CLVS1: variants seen among roughly 807,000 people sequenced by gnomAD.
CLVS1 encodes the protein clavesin 1, also known as clavesin-1.
In CLVS1, 10 loss-of-function variants were observed where a neutral mutation model predicts 33.1. The observed-to-expected ratio is 0.30, with a 90% CI of 0.19 to 0.51. CLVS1 has a LOEUF of 0.51. CLVS1 is among the 20% of genes least tolerant of loss of function. CLVS1 has a pLI of 0.97. For synonymous variants in CLVS1, 163 were observed against 166.1 expected (o/e 0.98, Z 0.14); for missense variants, 343 against 433.4 (o/e 0.79, Z 1.85).
At chr8:61,222,874 T>G (rs1272124835) in intron 2 of CLVS1, among the ~76,000 whole-genome samples, 1 of 152,082 alleles carries the variant, frequency 6.6e-6, no homozygotes, top group African/African-American at 2.4e-5. Context: ...ATATTTAGGA[T>G]AGTTAGCTCT....
At chr8:61,027,451 G>A in the CLVS1 span, among the ~76,000 whole-genome samples, 1 of 152,070 alleles carries the variant, frequency 6.6e-6, no homozygotes, top group Non-Finnish European at 1.5e-5. Flanking sequence ...GTGGAATTAA[G>A]GAAATTAATA....
intron 2 of CLVS1, among the ~76,000 whole-genome samples, chr8:61,192,358 C>G (rs1265270823): frequency 6.6e-6 from 1 of 152,106 alleles, no homozygotes; most frequent in East Asian, 1.9e-4. Context: ...TTCCTTACAC[C>G]TTATACAAAA....
At chr8:61,035,540 C>A in the CLVS1 span, among the ~76,000 whole-genome samples, 2 of 152,114 alleles carry the variant, frequency 1.3e-5, no homozygotes, top group Non-Finnish European at 2.9e-5. Context: ...CTCACCGTTA[C>A]AGAGAGCTGG....
intron 5 of CLVS1, among the ~76,000 whole-genome samples, chr8:61,458,884 G>C (rs983054790): frequency 5.9e-5 from 9 of 152,168 alleles, no homozygotes; most frequent in African/African-American, 1.9e-4. Context: ...GCTAAAAAAT[G>C]TTCCTATCAT....
intron 1 of CLVS1, among the ~76,000 whole-genome samples, chr8:61,063,119 T>A (rs907154478): frequency 3.3e-5 from 5 of 152,168 alleles, no homozygotes; most frequent in African/African-American, 1.2e-4. Context: ...CCAGAGATCT[T>A]AAAACCATGC....
At chr8:60,967,614 G>A in the CLVS1 span, 1 of 455,842 alleles carries the variant, frequency 2.2e-6, no homozygotes, top group Admixed American at 2.4e-5. Flanking sequence ...AACCATGTGT[G>A]GCTGCCTCTG....
intron 3 of CLVS1, among the ~76,000 whole-genome samples, chr8:61,397,409 T>C (rs954075839): frequency 2.0e-5 from 3 of 152,184 alleles, no homozygotes; most frequent in African/African-American, 7.2e-5. Context: ...TTTGGAGTTA[T>C]AAGAGAAACA....
chr8:61,252,401 G>T (rs1808969046), intron 2 of CLVS1, among the ~76,000 whole-genome samples: 1 of 152,142 alleles, frequency 6.6e-6, no homozygotes, highest in Non-Finnish European at 1.5e-5. Flanking sequence ...CTGTTGATTT[G>T]GGGTGGAGAG....
At chr8:61,430,910 A>G (rs1816087476) in intron 3 of CLVS1, among the ~76,000 whole-genome samples, 2 of 152,218 alleles carry the variant, frequency 1.3e-5, no homozygotes, top group Non-Finnish European at 2.9e-5. Context: ...CTTTCAGGAC[A>G]TGAAGATGAC....
At chr8:61,250,511 A>G (rs1029813452) in intron 2 of CLVS1, among the ~76,000 whole-genome samples, 2 of 152,164 alleles carry the variant, frequency 1.3e-5, no homozygotes, top group African/African-American at 4.8e-5. Context: ...TCTGGGCAGT[A>G]TGGCCATTTT....
At chr8:61,142,715 C>G (rs552817635) in intron 2 of CLVS1, among the ~76,000 whole-genome samples, 1 of 152,148 alleles carries the variant, frequency 6.6e-6, no homozygotes, top group Non-Finnish European at 1.5e-5. Flanking sequence ...GTCTTGTCAA[C>G]TTTAATTTAT....
intron 2 of CLVS1, among the ~76,000 whole-genome samples, chr8:61,353,403 A>G (rs955151713): frequency 6.6e-5 from 10 of 152,062 alleles, no homozygotes; most frequent in Non-Finnish European, 2.9e-5. Flanking sequence ...AAACACAAAA[A>G]TCTCAGAAGA....
At chr8:61,162,185 T>C (rs1806766448) in intron 2 of CLVS1, among the ~76,000 whole-genome samples, 1 of 152,220 alleles carries the variant, frequency 6.6e-6, no homozygotes, top group Admixed American at 6.5e-5. Flanking sequence ...CAAAATTGCC[T>C]ATATTCCCCT....
intron 2 of CLVS1, among the ~76,000 whole-genome samples, chr8:61,224,636 G>T (rs1808290439): frequency 2.0e-5 from 3 of 152,194 alleles, no homozygotes. Context: ...CTGTTGGGGG[G>T]TCTCACCCCG....
the CLVS1 span, among the ~76,000 whole-genome samples, chr8:60,982,577 G>A: frequency 6.6e-6 from 1 of 152,052 alleles, no homozygotes; most frequent in Admixed American, 6.5e-5. Flanking sequence ...GTGGTGAGTG[G>A]AAGTTCTAGG....
At chr8:61,355,592 G>T (rs1268850355) in intron 2 of CLVS1, among the ~76,000 whole-genome samples, 1 of 152,034 alleles carries the variant, frequency 6.6e-6, no homozygotes. Context: ...AGTCCCCAGA[G>T]CCTGATGTTC....
the CLVS1 span, among the ~76,000 whole-genome samples, chr8:60,990,252 A>G: frequency 1.3e-5 from 2 of 152,126 alleles, no homozygotes; most frequent in African/African-American, 4.8e-5. Flanking sequence ...AATTCCAACA[A>G]GCTAACTGTG....
the CLVS1 span, among the ~76,000 whole-genome samples, chr8:60,982,662 C>T: frequency 6.6e-6 from 1 of 152,128 alleles, no homozygotes; most frequent in Admixed American, 6.5e-5. Flanking sequence ...GAACTGGAAT[C>T]CTTGACTAAA....
intron 2 of CLVS1, among the ~76,000 whole-genome samples, chr8:61,342,814 A>G (rs1182167956): frequency 6.6e-6 from 1 of 152,178 alleles, no homozygotes; most frequent in Non-Finnish European, 1.5e-5. Flanking sequence ...TGTGTGCTGG[A>G]CGGACTTTTC....
Sources: allele counts gnomAD v4.1 joint callset (sites outside exome capture counted in the v4.1 genomes callset), GRCh38; gene constraint gnomAD v4.1.1; transcripts MANE v1.5; gene names NCBI Gene and HGNC (gene_info 2026-07-23, HGNC 2026-07-21).